The following CPQ variants were observed in gnomAD, a reference collection of about 807,000 sequenced individuals.
CPQ encodes carboxypeptidase Q, also known as Ser-Met dipeptidase.
Under a neutral mutation model 45.7 loss-of-function variants are expected in CPQ, and 37 were observed. The observed-to-expected ratio is 0.81, with a 90% CI of 0.62 to 1.07. The LOEUF (loss-of-function observed/expected upper bound fraction) is 1.07, where lower values mean the gene tolerates loss of function less well. CPQ is among the 50% of genes least tolerant of loss of function. The probability of loss-of-function intolerance (pLI) is 0.00; values close to 1 mark genes in which losing one functional copy is unlikely to be tolerated. For synonymous variants in CPQ, 186 were observed against 205.8 expected, an observed-to-expected ratio of 0.90 and a Z score of 0.82; for missense variants, 537 against 572.9, an observed-to-expected ratio of 0.94 and a Z score of 0.64.
At chr8:96,689,392 CCTATT>C in intron 1 of CPQ, among the ~76,000 whole-genome samples, 1 of 152,284 alleles carries the variant, frequency 6.6e-6, no homozygotes, top group Admixed American at 6.5e-5. Flanking sequence ...AGGCTTCTAA[CCTATT>C]CATTCTATCC....
At chr8:96,953,256 C>G (rs1451239331) in intron 4 of CPQ, among the ~76,000 whole-genome samples, 1 of 152,066 alleles carries the variant, frequency 6.6e-6, no homozygotes, top group Non-Finnish European at 1.5e-5. Flanking sequence ...ATCTCACGGC[C>G]TCCTCAGGGC....
chr8:97,047,952 T>G (rs78913853), intron 6 of CPQ, among the ~76,000 whole-genome samples: 233 of 152,296 alleles, frequency 1.5e-3, no homozygotes, highest in African/African-American at 5.2e-3. Context: ...TATATGTCTG[T>G]TTTTATATCT....
chr8:96,656,538 G>A (rs1026224484), intron 1 of CPQ, among the ~76,000 whole-genome samples: 6 of 152,146 alleles, frequency 3.9e-5, no homozygotes, highest in Non-Finnish European at 8.8e-5. Flanking sequence ...CACAGTTGAG[G>A]ATTGCCTGTC....
chr8:96,705,351 C>T (rs1340695634), intron 1 of CPQ, among the ~76,000 whole-genome samples: 2 of 152,106 alleles, frequency 1.3e-5, no homozygotes, highest in East Asian at 1.9e-4. Flanking sequence ...TGAAATATAT[C>T]TGTTATTGAG....
chr8:96,906,206 A>G (rs1812574271), intron 4 of CPQ, among the ~76,000 whole-genome samples: 1 of 152,166 alleles, frequency 6.6e-6, no homozygotes, highest in Non-Finnish European at 1.5e-5. Context: ...GTTCCAGAAT[A>G]CATCCTGTGT....
intron 6 of CPQ, among the ~76,000 whole-genome samples, chr8:97,045,673 A>G (rs13254468): frequency 6.6e-6 from 1 of 152,124 alleles, no homozygotes; most frequent in Non-Finnish European, 1.5e-5. Context: ...TCTGGGAGAG[A>G]GGCTCTTCCC....
chr8:97,050,414 C>T (rs1810341025), intron 6 of CPQ, among the ~76,000 whole-genome samples: 2 of 151,942 alleles, frequency 1.3e-5, no homozygotes, highest in Non-Finnish European at 2.9e-5. Flanking sequence ...GTTTATTTGC[C>T]TAGAATTTGG....
chr8:96,700,892 A>AT (rs1449691360), intron 1 of CPQ, among the ~76,000 whole-genome samples: 1 of 152,220 alleles, frequency 6.6e-6, no homozygotes, highest in African/African-American at 2.4e-5. Context: ...GAAGAGCTTT[A>AT]TACTAGCTAT....
intron 4 of CPQ, among the ~76,000 whole-genome samples, chr8:96,916,842 C>T (rs377530097): frequency 2.0e-5 from 3 of 151,896 alleles, no homozygotes; most frequent in East Asian, 1.9e-4. Flanking sequence ...ACCATGCTTC[C>T]GATTGAGATT....
intron 2 of CPQ, among the ~76,000 whole-genome samples, chr8:96,788,108 A>G (rs1311469098): frequency 6.8e-6 from 1 of 147,712 alleles, no homozygotes; most frequent in Non-Finnish European, 1.5e-5. Flanking sequence ...CAGCACTTTG[A>G]ATACATTATC....
chr8:96,911,680 A>AGG (rs1812666264), intron 4 of CPQ, among the ~76,000 whole-genome samples: 1 of 152,226 alleles, frequency 6.6e-6, no homozygotes, highest in Admixed American at 6.5e-5. Context: ...TCCTGGCAAC[A>AGG]AAACTAAATC....
At chr8:96,685,210 T>A (rs1413367409) in intron 1 of CPQ, among the ~76,000 whole-genome samples, 1 of 152,170 alleles carries the variant, frequency 6.6e-6, no homozygotes, top group East Asian at 1.9e-4. Context: ...GTGTTTTGAT[T>A]TTTTGTTATG....
intron 3 of CPQ, among the ~76,000 whole-genome samples, chr8:96,851,299 G>C (rs1811767999): frequency 6.6e-6 from 1 of 152,216 alleles, no homozygotes; most frequent in Non-Finnish European, 1.5e-5. Flanking sequence ...GGTTGCAAAA[G>C]AGACCAAACA....
chr8:96,781,243 G>A (rs1393409095), intron 1 of CPQ, among the ~76,000 whole-genome samples: 4 of 152,098 alleles, frequency 2.6e-5, no homozygotes, highest in African/African-American at 9.7e-5. Flanking sequence ...CTGCTATAAC[G>A]GAATACCATG....
chr8:96,760,854 A>G (rs1810392470), intron 1 of CPQ: 1 of 152,176 alleles, frequency 6.6e-6, no homozygotes. Context: ...CTTGCCTTAT[A>G]TAGTCAGTGC....
Position 96,733,101 on chromosome 8 carries a change from T to C in CPQ, c.-34-51763T>C, listed in dbSNP as rs551498790. On this transcript the variant is annotated intron_variant, in intron 1 of 7. Transcript: ENST00000220763. ...AAAGGCATTTTCAGGATTTCAGGTA[T>C]ACATTTGATGGCTGGGGCAGAGTGG... 4.4e-4 allele frequency among the ~76,000 whole-genome samples: 67 copies of C among 152,338 alleles called. No individual in the cohort carries two copies. The South Asian group carries it at 0.013, about 31-fold the overall frequency.
At chr8:96,651,743 T>C (rs1172052907) in intron 1 of CPQ, among the ~76,000 whole-genome samples, 1 of 152,104 alleles carries the variant, frequency 6.6e-6, no homozygotes, top group Non-Finnish European at 1.5e-5. Flanking sequence ...TATGAATATA[T>C]ATGTACATGA....
At chr8:97,138,161 T>A (rs1812096209) in intron 7 of CPQ, among the ~76,000 whole-genome samples, 1 of 152,218 alleles carries the variant, frequency 6.6e-6, no homozygotes, top group Admixed American at 6.5e-5. Context: ...TTCAGTCTAT[T>A]TTCAGCCTGA....
At chr8:97,099,478 G>A (rs910658269) in intron 7 of CPQ, among the ~76,000 whole-genome samples, 12 of 151,430 alleles carry the variant, frequency 7.9e-5, no homozygotes, top group African/African-American at 2.9e-4. Flanking sequence ...GAAGGGGCAG[G>A]TATTTTCTTT....
Sources: allele counts gnomAD v4.1 joint callset (sites outside exome capture counted in the v4.1 genomes callset), GRCh38; gene constraint gnomAD v4.1.1; transcripts MANE v1.5; gene names NCBI Gene and HGNC (gene_info 2026-07-23, HGNC 2026-07-21).